DPH6: variants seen among roughly 807,000 people sequenced by gnomAD.
The protein encoded by DPH6 is diphthine--ammonia ligase.
Under a neutral mutation model 38.2 loss-of-function variants are expected in DPH6, and 33 were observed. The observed-to-expected ratio is 0.86, with a 90% confidence interval of 0.65 to 1.15. DPH6 has a LOEUF of 1.15. DPH6 is among the 50% of genes most tolerant of loss of function. The probability of loss-of-function intolerance (pLI) is 0.00; values close to 1 mark genes in which losing one functional copy is unlikely to be tolerated. For missense variants in DPH6, 325 were observed against 320.0 expected (o/e 1.02, Z -0.12); for synonymous variants, 108 against 103.0 (o/e 1.05, Z -0.30).
intron 3 of DPH6, among the ~76,000 whole-genome samples, chr15:35,314,422 C>CG (rs1221456187): frequency 6.6e-6 from 1 of 152,056 alleles, no homozygotes; most frequent in Non-Finnish European, 1.5e-5. Flanking sequence ...AAAGCAAATT[C>CG]GAGTGATTTT....
rs2051608789 is a variant in DPH6, at chr15:35,242,697, C to T, written n.201-22115G>A. On this transcript the variant is annotated intron_variant and non_coding_transcript_variant, in intron 3 of 3. Coordinates refer to the DPH6 transcript ENST00000560386. ...ACTGGACAATACTTTTACCACTTTC[C>T]CTTCTCAGTAGTCAGACCTGTCCTC... Among the ~76,000 whole-genome samples the T allele has an allele frequency of 3.5e-5, 5 of 143,080 alleles. No individual in the cohort carries two copies. The South Asian group carries it at 9.8e-4, about 28-fold the overall frequency. 93.9% of individuals were successfully genotyped at this position (143,080 alleles called of 152,430 possible).
intron 7 of DPH6, among the ~76,000 whole-genome samples, 199 bp downstream of exon 7, chr15:35,381,623 C>T (rs1197769631): frequency 1.3e-5 from 2 of 152,132 alleles, no homozygotes; most frequent in East Asian, 3.8e-4. Context: ...AAGTTTATAG[C>T]CTTCTATGAA....
At chr15:35,252,251 C>T (rs1051251346) in intron 3 of DPH6, among the ~76,000 whole-genome samples, 2 of 152,230 alleles carry the variant, frequency 1.3e-5, no homozygotes, top group Admixed American at 6.5e-5. Context: ...ACTATTATTA[C>T]ACCCACTTAT....
intron 5 of DPH6, among the ~76,000 whole-genome samples, chr15:35,436,661 T>C (rs2053719735): frequency 6.6e-6 from 1 of 151,928 alleles, no homozygotes; most frequent in Non-Finnish European, 1.5e-5. Context: ...CCTTTTTCTT[T>C]CCTCCACCCT....
intron 3 of DPH6, among the ~76,000 whole-genome samples, chr15:35,467,561 A>G (rs76366960): frequency 0.022 from 3,374 of 152,250 alleles, 125 homozygotes; most frequent in African/African-American, 0.075. Context: ...GTGAGACTCC[A>G]TCTCGAACAA....
At chr15:35,349,937 C>T (rs536932351) in intron 3 of DPH6, among the ~76,000 whole-genome samples, 20 of 152,170 alleles carry the variant, frequency 1.3e-4, no homozygotes, top group African/African-American at 4.3e-4. Context: ...AAAGTATCTG[C>T]CTGATTTTGG....
chr15:35,203,606 A>G, the DPH6 span, among the ~76,000 whole-genome samples: 1 of 151,728 alleles, frequency 6.6e-6, no homozygotes, highest in Non-Finnish European at 1.5e-5. Flanking sequence ...GCTACCAAAT[A>G]AATGTCATAA....
chr15:35,435,026 A>G (rs1172749727), intron 5 of DPH6, among the ~76,000 whole-genome samples: 1 of 151,320 alleles, frequency 6.6e-6, no homozygotes, highest in Admixed American at 6.6e-5. Flanking sequence ...TGCCCACCTG[A>G]GCCTCCCAAA....
intron 6 of DPH6, chr15:35,401,673 G>C: frequency 1.3e-6 from 1 of 747,008 alleles, no homozygotes; most frequent in South Asian, 1.3e-5. Flanking sequence ...TGGCTCCTAT[G>C]GTGTTGGAGG....
chr15:35,421,779 C>T (rs1166243137), intron 5 of DPH6, among the ~76,000 whole-genome samples: 1 of 151,998 alleles, frequency 6.6e-6, no homozygotes, highest in Non-Finnish European at 1.5e-5. Flanking sequence ...AGTAAGGTCA[C>T]AAAGAACACT....
chr15:35,521,293 G>C (rs1423024445), intron 3 of DPH6: 1 of 989,346 alleles, frequency 1.0e-6, no homozygotes, highest in Non-Finnish European at 1.2e-6. Flanking sequence ...TTTTATAATG[G>C]TCCTGTAATT....
At chr15:35,517,538 A>G (rs541154680) in intron 3 of DPH6, among the ~76,000 whole-genome samples, 1 of 152,250 alleles carries the variant, frequency 6.6e-6, no homozygotes, top group East Asian at 1.9e-4. Context: ...AGGAACTACC[A>G]TATTTGGTTA....
the DPH6 span, among the ~76,000 whole-genome samples, chr15:35,156,564 G>A: frequency 6.6e-6 from 1 of 151,924 alleles, no homozygotes. Flanking sequence ...ATGGGATGGG[G>A]CACACTTATT....
At chr15:35,161,977 A>C in the DPH6 span, among the ~76,000 whole-genome samples, 1 of 151,898 alleles carries the variant, frequency 6.6e-6, no homozygotes, top group East Asian at 1.9e-4. Context: ...GTATTTATGC[A>C]CTTGCTCAGG....
intron 3 of DPH6, chr15:35,282,716 T>G (rs914569605): frequency 8.1e-6 from 3 of 370,132 alleles, no homozygotes; most frequent in African/African-American, 6.4e-5. Context: ...ATGCCTTACG[T>G]GGGAAGGACA....
the DPH6 span, among the ~76,000 whole-genome samples, chr15:35,204,454 T>C: frequency 6.6e-6 from 1 of 151,790 alleles, no homozygotes; most frequent in Non-Finnish European, 1.5e-5. Context: ...GACTTGGTTA[T>C]CTGAAATGCA....
intron 1 of DPH6, among the ~76,000 whole-genome samples, chr15:35,545,200 C>T (rs1364280567): frequency 6.6e-6 from 1 of 152,212 alleles, no homozygotes. Flanking sequence ...ATCTAAGACA[C>T]TCTACAGGGC....
the DPH6 span, among the ~76,000 whole-genome samples, chr15:35,154,382 T>TAAC: frequency 1.3e-5 from 2 of 152,146 alleles, no homozygotes; most frequent in Non-Finnish European, 2.9e-5. Context: ...CTTAACTTTG[T>TAAC]AATGTCTCAT....
intron 3 of DPH6, among the ~76,000 whole-genome samples, chr15:35,277,359 T>C (rs1037781945): frequency 6.6e-6 from 1 of 152,182 alleles, no homozygotes; most frequent in Non-Finnish European, 1.5e-5. Context: ...TACAATCATA[T>C]CATCAGCAAA....
Sources: allele counts gnomAD v4.1 joint callset (sites outside exome capture counted in the v4.1 genomes callset), GRCh38; gene constraint gnomAD v4.1.1; transcripts MANE v1.5; gene names NCBI Gene and HGNC (gene_info 2026-07-23, HGNC 2026-07-21).